Variants in PTK7 observed in about 807,000 individuals in gnomAD.
PTK7 encodes the protein protein tyrosine kinase 7 (inactive).
Under a neutral mutation model 116.6 loss-of-function variants are expected in PTK7, and 39 were observed. That is an observed-to-expected ratio of 0.33 (90% CI 0.26 to 0.44). The LOEUF is 0.44. Among genes scored for constraint, PTK7 ranks in the 20% least tolerant of loss-of-function variants. The pLI is 1.00. For synonymous variants in PTK7, 546 were observed against 563.6 expected (o/e 0.97, Z 0.44); for missense variants, 1,169 against 1,425.6 (o/e 0.82, Z 2.90).
rs1240926958 is a variant in PTK7 at position 43,076,799 on chromosome 6, C to T, written c.79+232C>T. On this transcript the variant is annotated intron_variant, in intron 1 of 19. Coordinates refer to ENST00000230419, the MANE Select transcript of PTK7 (RefSeq NM_002821.5). The surrounding 1 kb of genome is among the most constrained non-coding windows in gnomAD (Gnocchi z 5.7). ...ACCCCTCCCACTCGCGCCGCGGGGACGCATTTCCAGCCTCCCTGAGTTTTT... is the reference window on the plus strand; with the variant it reads ...ACCCCTCCCACTCGCGCCGCGGGGATGCATTTCCAGCCTCCCTGAGTTTTT... 1.4e-5 allele frequency: 20 copies of T among 1,407,466 alleles called. No individual in the cohort carries two copies. Among genetic ancestry groups the T allele is most frequent in the Middle Eastern group, 3.7e-4 (2 of 5,430 alleles). 87.2% of individuals were successfully genotyped at this position (1,407,466 alleles called of 1,614,324 possible).
rs2150362132 is a variant in PTK7 at position 43,076,367 on chromosome 6, C to T, written c.-122C>T. The T allele has an allele frequency of 6.1e-6, 4 of 653,816 alleles. No individual in the cohort carries two copies. Among genetic ancestry groups the T allele is most frequent in the East Asian group, 4.4e-5 (1 of 22,800 alleles). The allele number at this position is 653,816 out of a possible 1,614,324, so 40.5% of individuals were successfully genotyped here. The stretch of plus-strand genomic sequence containing the variant: ...CGCCTCGGGACGCCTCGGGGTCGGG[C>T]TCCGGCTGCGGCTGCTGCTGCGGCG... On this transcript the variant is annotated 5_prime_UTR_variant, in exon 1 of 20. Coordinates refer to ENST00000230419, the MANE Select transcript of PTK7 (RefSeq NM_002821.5). The surrounding 1 kb of genome is among the most constrained non-coding windows in gnomAD (Gnocchi z 5.7).
chr6:43,076,695 G>T lies in PTK7; in HGVS notation c.79+128G>T, dbSNP rs1193254817. On this transcript the variant is annotated intron_variant, in intron 1 of 19. Transcript: ENST00000230419. The surrounding 1 kb of genome is among the most constrained non-coding windows in gnomAD (Gnocchi z 5.7). ...TGGAGTAGTGGAGAGGCTCGCTGGG[G>T]GTGCAGGCTTGCGGCGGAAGGGCGC... 7.2e-7 allele frequency: 1 copy of T among 1,386,202 alleles called. No homozygotes were observed. Among genetic ancestry groups the T allele is most frequent in the African/African-American group, 1.5e-5 (1 of 66,918 alleles). The allele number at this position is 1,386,202 out of a possible 1,614,324, so 85.9% of individuals were successfully genotyped here.
chr6:43,161,623 CTTT>C lies in PTK7; in HGVS notation c.*744_*746del, dbSNP rs1450577881. On this transcript the variant is annotated 3_prime_UTR_variant, in exon 20 of 20. Coordinates refer to ENST00000230419, the MANE Select transcript of PTK7 (RefSeq NM_002821.5). ...GAGGGTGGGCCATCCTTACCCCACA[CTTT>C]TATTGTTGTCGTTTTTTGTTTGTTT... 3.9e-5 allele frequency: 6 copies of C among 152,188 alleles called. No individual in the cohort carries two copies. Among genetic ancestry groups the C allele is most frequent in the Non-Finnish European group, 8.8e-5 (6 of 68,048 alleles). 9.4% of individuals were successfully genotyped at this position (152,188 alleles called of 1,614,324 possible).
intron 1 of PTK7, among the ~76,000 whole-genome samples, chr6:43,089,650 C>T (rs182662146): frequency 2.0e-5 from 3 of 152,220 alleles, no homozygotes; most frequent in African/African-American, 4.8e-5. Flanking sequence ...TGCCCAGCTA[C>T]GCAGCAGCTT....
chr6:43,141,911 G>C lies in PTK7; in HGVS notation c.1769-20G>C. The C allele has an allele frequency of 6.3e-7, 1 of 1,596,742 alleles. No individual in the cohort carries two copies. The highest frequency in any genetic ancestry group is 8.6e-7 in the Non-Finnish European group (1 of 1,169,386). On this transcript the variant is annotated intron_variant, in intron 11 of 19. Transcript: ENST00000230419. This position sits in a 1 kb window ranked among gnomAD's most constrained non-coding sequence, Gnocchi z 4.9. ...CTTGGCTTACCCCTCCCTGCGCCTC[G>C]CTGGTCTCTTTTCTTCCAGTTTTTA... is the stretch of plus-strand genomic sequence containing the variant.
chr6:43,079,142 G>T (rs1766222709), intron 1 of PTK7, among the ~76,000 whole-genome samples: 1 of 152,186 alleles, frequency 6.6e-6, no homozygotes, highest in Admixed American at 6.5e-5. Flanking sequence ...CATCTGCAGG[G>T]AATTGGAATA....
intron 1 of PTK7, among the ~76,000 whole-genome samples, chr6:43,123,132 C>G (rs1769061804): frequency 6.6e-6 from 1 of 152,002 alleles, no homozygotes; most frequent in South Asian, 2.1e-4. Context: ...CCTGAGACAT[C>G]TGACGGATGG....
intron 16 of PTK7, chr6:43,146,122 G>A (rs947877905): frequency 6.5e-6 from 1 of 154,074 alleles, no homozygotes; most frequent in African/African-American, 2.4e-5. Context: ...GAGGCCAGGA[G>A]TCCGAGACCA....
chr6:43,118,862 G>A (rs1035385672), intron 1 of PTK7, among the ~76,000 whole-genome samples: 28 of 149,474 alleles, frequency 1.9e-4, no homozygotes, highest in African/African-American at 5.9e-4. Flanking sequence ...TCCACCTCCC[G>A]GGTTCAAGCC....
intron 1 of PTK7, among the ~76,000 whole-genome samples, chr6:43,111,559 A>G (rs554272646): frequency 3.9e-5 from 6 of 152,354 alleles, no homozygotes; most frequent in East Asian, 3.9e-4. Flanking sequence ...CCAAACTCAC[A>G]TAATACTTCC....
chr6:43,127,950 A>G (rs987626798), intron 1 of PTK7, among the ~76,000 whole-genome samples: 4 of 151,984 alleles, frequency 2.6e-5, no homozygotes, highest in Admixed American at 6.5e-5. Context: ...AGAACAGGAC[A>G]TGGGAATGAC....
Position 43,145,453 on chromosome 6 carries a change from G to A in PTK7, c.2640+21G>A, listed in dbSNP as rs779768795. The stretch of plus-strand genomic sequence containing the variant: ...ATCTGGTATGCTGTTGGCAGGGGAC[G>A]TGGGGGTCTCGGGTAGGGAGGGCAG... On this transcript the variant is annotated intron_variant, in intron 16 of 19. Coordinates refer to ENST00000230419, the MANE Select transcript of PTK7 (RefSeq NM_002821.5). This position sits in a 1 kb window ranked among gnomAD's most constrained non-coding sequence, Gnocchi z 4.8. The A allele has an allele frequency of 1.1e-5, 16 of 1,519,376 alleles. No individual in the cohort carries two copies. The African/African-American group carries it at 1.1e-4, about 10-fold the overall frequency. 94.1% of individuals were successfully genotyped at this position (1,519,376 alleles called of 1,614,324 possible). A position where few individuals can be genotyped will look rare whatever the true frequency, so the allele number is the denominator to read the frequency against.
chr6:43,086,555 C>T lies in PTK7; in HGVS notation c.79+9988C>T, dbSNP rs139249561. On this transcript the variant is annotated intron_variant, in intron 1 of 19. Transcript: ENST00000230419. Reference sequence around the variant, plus strand: ...CACATTACAAATAAGTACTCCCAGTCGTGGGCGCAGTGGCTTACGCCTGTA... The same window carrying T: ...CACATTACAAATAAGTACTCCCAGTTGTGGGCGCAGTGGCTTACGCCTGTA... Among the ~76,000 whole-genome samples, 966 of 152,100 alleles carry T rather than the reference C, an allele frequency of 6.4e-3. 3 individuals carry two copies. Among genetic ancestry groups the T allele is most frequent in the Non-Finnish European group, 0.012 (792 of 67,978 alleles).
Position 43,139,204 on chromosome 6 carries a change from A to T in PTK7, c.1431A>T (p.Thr477=). 1 of 1,614,218 alleles carries T rather than the reference A, an allele frequency of 6.2e-7. No homozygotes were observed. The highest frequency in any genetic ancestry group is 8.5e-7 in the Non-Finnish European group (1 of 1,180,036). Residue 477 remains threonine (T), a synonymous_variant, in exon 9 of 20, where the codon ACA becomes ACT. Coordinates refer to ENST00000230419, the MANE Select transcript of PTK7 (RefSeq NM_002821.5). This position sits in a 1 kb window ranked among gnomAD's most constrained non-coding sequence, Gnocchi z 4.6. ...ACAGCGTGGAGGTGTATGATGGGAC[A>T]TGGTACCGTTGTATGAGCAGCACCC... The part of the protein sequence containing the change: ...RINSVEVYDG[T]WYRCMSSTPA...
chr6:43,135,909 C>T (rs1770007376), intron 7 of PTK7, among the ~76,000 whole-genome samples: 1 of 151,992 alleles, frequency 6.6e-6, no homozygotes, highest in Non-Finnish European at 1.5e-5. Context: ...ACAAAAATGG[C>T]TGGGTGCAGT....
At chr6:43,103,710 C>T (rs1767708687) in intron 1 of PTK7, among the ~76,000 whole-genome samples, 1 of 152,146 alleles carries the variant, frequency 6.6e-6, no homozygotes, top group Non-Finnish European at 1.5e-5. Context: ...AACTCACAGC[C>T]TTAACCTTTG....
intron 1 of PTK7, among the ~76,000 whole-genome samples, chr6:43,078,148 G>C (rs1766163083): frequency 6.6e-6 from 1 of 152,222 alleles, no homozygotes. Flanking sequence ...GGAGTTTCTG[G>C]TGAAGATGGG....
intron 1 of PTK7, among the ~76,000 whole-genome samples, chr6:43,106,835 T>C (rs1029785699): frequency 6.6e-6 from 1 of 151,850 alleles, no homozygotes; most frequent in Non-Finnish European, 1.5e-5. Flanking sequence ...AGGCTTGTCT[T>C]GAACTCCTGA....
intron 1 of PTK7, among the ~76,000 whole-genome samples, chr6:43,116,934 G>A (rs900458195): frequency 2.0e-5 from 3 of 152,080 alleles, no homozygotes; most frequent in South Asian, 2.1e-4. Flanking sequence ...AGCGATTCTC[G>A]TGCTTCAGCC....
Sources: allele counts gnomAD v4.1 joint callset (sites outside exome capture counted in the v4.1 genomes callset), GRCh38; gene constraint gnomAD v4.1.1; non-coding constraint Gnocchi (gnomAD v3.1); transcripts MANE v1.5; gene names NCBI Gene and HGNC (gene_info 2026-07-23, HGNC 2026-07-21).